TBCK: variants seen among roughly 807,000 people sequenced by gnomAD.
TBCK encodes TBC domain-containing protein kinase-like protein.
Under a neutral mutation model 113.4 loss-of-function variants are expected in TBCK, and 99 were observed. The observed-to-expected ratio is 0.87, with a 90% confidence interval of 0.74 to 1.03. The LOEUF is 1.03. TBCK is among the 50% of genes least tolerant of loss of function. The pLI is 0.00. For missense variants in TBCK, 1,045 were observed against 1,061.3 expected (o/e 0.98, Z 0.21); for synonymous variants, 369 against 370.8 (o/e 1.00, Z 0.05).
rs562453699 is a variant in TBCK at position 106,252,612 on chromosome 4, C to T, written c.456-605G>A. On this transcript the variant is annotated intron_variant, in intron 5 of 25. Transcript: ENST00000394708. Reference sequence around the variant, plus strand: ...AACACAAGTATAGAGTTTCCTCATTCTTTTTGAAAACTCCCAATAATTTCA... The same window carrying T: ...AACACAAGTATAGAGTTTCCTCATTTTTTTTGAAAACTCCCAATAATTTCA... Among the ~76,000 whole-genome samples the T allele has an allele frequency of 2.6e-5, 4 of 152,078 alleles. No individual in the cohort carries two copies. In the East Asian group the frequency reaches 7.7e-4, roughly 29 times the overall value.
chr4:106,135,134 C>A (rs1354785301), intron 23 of TBCK, among the ~76,000 whole-genome samples: 11 of 152,004 alleles, frequency 7.2e-5, no homozygotes, highest in African/African-American at 2.7e-4. Context: ...GATGAAATAT[C>A]ATTTCTACCT....
At chr4:106,120,395 G>A (rs1370716125) in intron 23 of TBCK, among the ~76,000 whole-genome samples, 1 of 152,082 alleles carries the variant, frequency 6.6e-6, no homozygotes, top group Non-Finnish European at 1.5e-5. Context: ...GGGGAGGGGC[G>A]CCCACCATTG....
intron 23 of TBCK, among the ~76,000 whole-genome samples, chr4:106,161,712 G>A (rs1195828688): frequency 6.6e-6 from 1 of 151,866 alleles, no homozygotes; most frequent in Non-Finnish European, 1.5e-5. Context: ...GTGTGTGTGT[G>A]TGTGTGTGTG....
chr4:106,108,187 G>T (rs1460347730), intron 24 of TBCK, among the ~76,000 whole-genome samples: 1 of 152,158 alleles, frequency 6.6e-6, no homozygotes, highest in African/African-American at 2.4e-5. Flanking sequence ...ACAAGGAAGA[G>T]CTGGTACCAT....
chr4:106,299,237 G>C (rs972143759), intron 2 of TBCK, among the ~76,000 whole-genome samples: 2 of 152,204 alleles, frequency 1.3e-5, no homozygotes, highest in African/African-American at 2.4e-5. Context: ...GTGGCCATTA[G>C]AAATGAAGAA....
At chr4:106,302,973 A>C (rs1384670862) in intron 2 of TBCK, among the ~76,000 whole-genome samples, 2 of 152,360 alleles carry the variant, frequency 1.3e-5, no homozygotes, top group South Asian at 4.1e-4. Context: ...CTGGGCTTTC[A>C]GCAAATGGCT....
At chr4:106,140,533 T>G (rs1747052417) in intron 23 of TBCK, among the ~76,000 whole-genome samples, 1 of 140,970 alleles carries the variant, frequency 7.1e-6, no homozygotes, top group South Asian at 2.4e-4. Context: ...CACAAGTTGG[T>G]ACTAGCCTCT....
chr4:106,193,577 C>T (rs1042774789), intron 22 of TBCK, 32 bp downstream of exon 22: 2 of 1,607,828 alleles, frequency 1.2e-6, no homozygotes, highest in Non-Finnish European at 1.7e-6. Context: ...AGTCAAATTT[C>T]ATTTAATGGC....
chr4:106,282,971 CT>C (rs1449905158), intron 3 of TBCK, among the ~76,000 whole-genome samples: 1 of 152,126 alleles, frequency 6.6e-6, no homozygotes. Context: ...GAGAAGAATT[CT>C]TCCCCAGAGC....
intron 22 of TBCK, among the ~76,000 whole-genome samples, chr4:106,188,972 T>G (rs1308497906): frequency 2.6e-5 from 4 of 152,098 alleles, no homozygotes; most frequent in Non-Finnish European, 5.9e-5. Context: ...ATTTTCCCCT[T>G]TTCCATAAAA....
At chr4:106,098,640 G>A (rs937236947) in intron 24 of TBCK, among the ~76,000 whole-genome samples, 7 of 151,414 alleles carry the variant, frequency 4.6e-5, no homozygotes, top group Non-Finnish European at 7.4e-5. Flanking sequence ...AATAATAATA[G>A]TTATGAAAGC....
At chr4:106,283,653 T>C (rs1353255612) in intron 3 of TBCK, among the ~76,000 whole-genome samples, 1 of 152,038 alleles carries the variant, frequency 6.6e-6, no homozygotes, top group Non-Finnish European at 1.5e-5. Context: ...ATAAGAGAGT[T>C]AGAGAGTAAT....
At chr4:106,230,255 C>A (rs1007713026) in intron 19 of TBCK, 108 bp downstream of exon 19, 1 of 543,608 alleles carries the variant, frequency 1.8e-6, no homozygotes, top group East Asian at 3.1e-5. Context: ...TTGGATGGAC[C>A]ATCATCGTAT....
chr4:106,233,704 T>A, intron 15 of TBCK, 54 bp from the exon 16 acceptor site: 1 of 1,343,694 alleles, frequency 7.4e-7, no homozygotes, highest in Non-Finnish European at 1.0e-6. Context: ...ATACAAATAG[T>A]AATATAGAGA....
chr4:106,107,099 T>C (rs890839769), intron 24 of TBCK, among the ~76,000 whole-genome samples: 43 of 151,950 alleles, frequency 2.8e-4, no homozygotes, highest in African/African-American at 1.0e-3. Flanking sequence ...ATTCTAAATA[T>C]ATATGAACCC....
At chr4:106,078,771 C>T (rs1222025422) in intron 25 of TBCK, among the ~76,000 whole-genome samples, 1 of 151,876 alleles carries the variant, frequency 6.6e-6, no homozygotes, top group Non-Finnish European at 1.5e-5. Flanking sequence ...AGAGGAGATT[C>T]TTCTGCAGCT....
Position 106,247,197 on chromosome 4 carries a change from T to A in TBCK, c.873A>T (p.Ser291=), listed in dbSNP as rs761815146. The part of the protein sequence containing the change: ...TPFTKPASLF[S]SSLRCADLTL... ...TTAAATCAGCACATCTCAGAGAAGATGAAAACAGACTGGCAGGTTTGGTAA... is the reference window on the plus strand; with the variant it reads ...TTAAATCAGCACATCTCAGAGAAGAAGAAAACAGACTGGCAGGTTTGGTAA... The change falls in exon 10 of 26, where the codon TCA becomes TCT. Residue 291 remains serine, a synonymous_variant. Coordinates refer to ENST00000394708, the MANE Select transcript of TBCK (RefSeq NM_001163435.3). 19 of 1,613,430 alleles carry A rather than the reference T, an allele frequency of 1.2e-5. No individual in the cohort carries two copies. The Admixed American group carries it at 3.2e-4, about 27-fold the overall frequency.
At chr4:106,211,897 T>C (rs1159969541) in intron 20 of TBCK, among the ~76,000 whole-genome samples, 1 of 152,078 alleles carries the variant, frequency 6.6e-6, no homozygotes, top group Non-Finnish European at 1.5e-5. Flanking sequence ...TTTCCTACTT[T>C]AATGATATGT....
chr4:106,310,830 G>T lies in TBCK; in HGVS notation c.-29-1841C>A, dbSNP rs142868319. 2.2e-3 allele frequency among the ~76,000 whole-genome samples: 330 copies of T among 152,252 alleles called. 2 individuals carry two copies. Among genetic ancestry groups the T allele is most frequent in the African/African-American group, 6.9e-3 (288 of 41,568 alleles). On this transcript the variant is annotated intron_variant, in intron 1 of 25. Transcript: ENST00000394708. ...AACCTCCAAAAATCTGGCTTTGGAA[G>T]CAACTGAAATAATTTATGAAAAAAT...
Sources: allele counts gnomAD v4.1 joint callset (sites outside exome capture counted in the v4.1 genomes callset), GRCh38; gene constraint gnomAD v4.1.1; transcripts MANE v1.5; gene names NCBI Gene and HGNC (gene_info 2026-07-23, HGNC 2026-07-21).